RIPOR2: variants seen among roughly 807,000 people sequenced by gnomAD.
RIPOR2 encodes the protein RHO family interacting cell polarization regulator 2.
Under a neutral mutation model 114.5 loss-of-function variants are expected in RIPOR2, and 39 were observed. That is an observed-to-expected ratio of 0.34 (90% CI 0.26 to 0.44). RIPOR2 has a LOEUF of 0.44. RIPOR2 is among the 20% of genes least tolerant of loss of function. RIPOR2 has a pLI of 1.00. For missense variants in RIPOR2, 1,007 were observed against 1,255.1 expected (o/e 0.80, Z 2.99); for synonymous variants, 445 against 484.4 (o/e 0.92, Z 1.07).
intron 1 of RIPOR2, among the ~76,000 whole-genome samples, chr6:24,961,995 A>G (rs7766333): frequency 0.013 from 2,045 of 152,258 alleles, 37 homozygotes; most frequent in Middle Eastern, 0.055. Context: ...ACATGTGAAG[A>G]AAGTATGGTC....
intron 13 of RIPOR2, chr6:24,840,870 C>T: frequency 3.5e-6 from 4 of 1,157,186 alleles, no homozygotes; most frequent in Non-Finnish European, 5.0e-6. Flanking sequence ...GACCTAAACA[C>T]ACTCACTAGT....
Position 24,873,830 on chromosome 6 carries a change from T to C in RIPOR2, c.189-31A>G, listed in dbSNP as rs1044603688. On this transcript the variant is annotated intron_variant, in intron 2 of 21. Coordinates refer to ENST00000643898, the MANE Select transcript of RIPOR2 (RefSeq NM_001286445.3). ...GAAAGAACAGAAGAAATTGTGAGGATTGGGCATCCAAAAGGATTTGACCAA... is the reference window on the plus strand; with the variant it reads ...GAAAGAACAGAAGAAATTGTGAGGACTGGGCATCCAAAAGGATTTGACCAA... 1.9e-6 allele frequency: 3 copies of C among 1,568,062 alleles called. No homozygotes were observed. In the African/African-American group the frequency reaches 4.1e-5, roughly 22 times the overall value.
At chr6:24,961,936 C>T (rs1773328229) in intron 1 of RIPOR2, among the ~76,000 whole-genome samples, 1 of 152,092 alleles carries the variant, frequency 6.6e-6, no homozygotes. Context: ...CTATTCTAAG[C>T]ATTTTTTAAA....
intron 8 of RIPOR2, among the ~76,000 whole-genome samples, chr6:24,853,837 C>T (rs1763186007): frequency 6.6e-6 from 1 of 152,136 alleles, no homozygotes; most frequent in African/African-American, 2.4e-5. Flanking sequence ...AGACACAAGG[C>T]TGGCATGGTG....
chr6:25,010,854 A>G (rs960269767), intron 1 of RIPOR2, among the ~76,000 whole-genome samples: 2 of 152,186 alleles, frequency 1.3e-5, no homozygotes, highest in Non-Finnish European at 2.9e-5. Context: ...GCCTTTGAGG[A>G]GCATATAGGT....
chr6:24,825,546 A>G, intron 18 of RIPOR2, 118 bp from the exon 19 acceptor site: 1 of 686,732 alleles, frequency 1.5e-6, no homozygotes, highest in Non-Finnish European at 2.4e-6. Flanking sequence ...TCCAATACAT[A>G]TGAAAAATTA....
chr6:24,857,105 C>T (rs1193224294), intron 8 of RIPOR2, among the ~76,000 whole-genome samples: 1 of 152,064 alleles, frequency 6.6e-6, no homozygotes, highest in Non-Finnish European at 1.5e-5. Context: ...GCTTTTGTGC[C>T]GTGCTTCTTA....
At chr6:25,036,161 C>T (rs904010590) in intron 1 of RIPOR2, among the ~76,000 whole-genome samples, 5 of 152,104 alleles carry the variant, frequency 3.3e-5, no homozygotes, top group African/African-American at 7.2e-5. Context: ...GAATGGCCGG[C>T]GAAGCAGAAC....
chr6:25,026,998 C>A (rs547664591), intron 1 of RIPOR2, among the ~76,000 whole-genome samples: 38 of 152,298 alleles, frequency 2.5e-4, no homozygotes, highest in African/African-American at 8.2e-4. Context: ...CAAGTCCTGA[C>A]ACAGCAAGGC....
chr6:25,006,019 T>A (rs939918598), intron 1 of RIPOR2, among the ~76,000 whole-genome samples: 1 of 152,130 alleles, frequency 6.6e-6, no homozygotes, highest in Non-Finnish European at 1.5e-5. Context: ...AAATTTTGAA[T>A]CCTTACTTTA....
chr6:24,917,457 T>A (rs992782961), intron 1 of RIPOR2, among the ~76,000 whole-genome samples: 15 of 152,242 alleles, frequency 9.9e-5, no homozygotes, highest in African/African-American at 3.4e-4. Context: ...AAAGCAGTTG[T>A]AGAAGTGATT....
At chr6:24,930,666 G>C (rs216261) in intron 1 of RIPOR2, among the ~76,000 whole-genome samples, 44,402 of 152,126 alleles carry the variant, frequency 0.29, 6,513 homozygotes, top group East Asian at 0.35. Flanking sequence ...ACTGTGGGGA[G>C]GTCTTTGTCT....
chr6:25,037,125 A>G lies in RIPOR2; in HGVS notation c.76+4726T>C, dbSNP rs1777287683. Among the ~76,000 whole-genome samples, 2 of 152,138 alleles carry G rather than the reference A, an allele frequency of 1.3e-5. No individual in the cohort carries two copies. Among genetic ancestry groups the G allele is most frequent in the Non-Finnish European group, 1.5e-5 (1 of 68,026 alleles). On this transcript the variant is annotated intron_variant, in intron 1 of 13. Transcript: ENST00000510784. The surrounding 1 kb of genome is among the most constrained non-coding windows in gnomAD (Gnocchi z 4.5). ...ATTTTATGTCTTTTAATCCCCTCCA[A>G]TAACAATGGGAGGTGGGTGTTACTG...
At chr6:24,940,312 C>A (rs1772056881), upstream of RIPOR2, among the ~76,000 whole-genome samples, 1 of 152,136 alleles carries the variant, frequency 6.6e-6, no homozygotes, top group Non-Finnish European at 1.5e-5. Flanking sequence ...AACAGAAGAG[C>A]CTCACAATCT....
At chr6:24,941,325 A>G (rs372303174) in intron 1 of RIPOR2, among the ~76,000 whole-genome samples, 1 of 151,934 alleles carries the variant, frequency 6.6e-6, no homozygotes, top group East Asian at 1.9e-4. Flanking sequence ...GGTCATAACT[A>G]TGGGTTAAAG....
At chr6:24,957,310 C>T (rs995157493) in intron 1 of RIPOR2, among the ~76,000 whole-genome samples, 12 of 152,164 alleles carry the variant, frequency 7.9e-5, no homozygotes, top group African/African-American at 2.7e-4. Flanking sequence ...ATTTAATCCT[C>T]ATAGCAAGAC....
At chr6:24,962,617 G>A (rs1773355437) in intron 1 of RIPOR2, among the ~76,000 whole-genome samples, 1 of 136,532 alleles carries the variant, frequency 7.3e-6, no homozygotes, top group African/African-American at 2.6e-5. Flanking sequence ...TAGGAGAGGT[G>A]GGATAAAAGA....
chr6:24,996,983 A>G (rs1023585473), intron 1 of RIPOR2, among the ~76,000 whole-genome samples: 10 of 152,206 alleles, frequency 6.6e-5, no homozygotes, highest in Non-Finnish European at 1.0e-4. Flanking sequence ...GGTTTTCCTT[A>G]GGGGCAATCA....
chr6:24,870,485 T>A (rs12525226), intron 5 of RIPOR2, among the ~76,000 whole-genome samples: 2 of 152,226 alleles, frequency 1.3e-5, no homozygotes, highest in African/African-American at 4.8e-5. Context: ...GGGTCTCCCA[T>A]TGACTTCTCA....
Sources: gnomAD v4.1 joint callset for allele counts (sites outside exome capture counted in the v4.1 genomes callset) on GRCh38, gnomAD v4.1.1 for gene constraint, Gnocchi (gnomAD v3.1) non-coding constraint, MANE v1.5 for transcripts, NCBI Gene and HGNC (gene_info 2026-07-23, HGNC 2026-07-21) for gene names.